Variants in SHANK2 observed in about 807,000 individuals in gnomAD.
The protein encoded by SHANK2 is SH3 and multiple ankyrin repeat domains protein 2.
In SHANK2, 43 loss-of-function variants were observed where a neutral mutation model predicts 133.7. The observed-to-expected ratio is 0.32, with a 90% CI of 0.25 to 0.41. The LOEUF (loss-of-function observed/expected upper bound fraction) is 0.41, where lower values mean the gene tolerates loss of function less well. Ranked by LOEUF, SHANK2 falls within the 10% of genes least tolerant of loss-of-function variation. The pLI, the probability that SHANK2 is intolerant of heterozygous loss-of-function variation, is 1.00. For missense variants in SHANK2, 1,994 were observed against 2,235.8 expected, an observed-to-expected ratio of 0.89 and a Z score of 2.18; for synonymous variants, 1,017 against 952.8, an observed-to-expected ratio of 1.07 and a Z score of -1.24.
At chr11:71,148,764 T>A (rs1162841498) in intron 2 of SHANK2, among the ~76,000 whole-genome samples, 8 of 152,266 alleles carry the variant, frequency 5.3e-5, no homozygotes, top group Admixed American at 5.2e-4. Flanking sequence ...ATGTGGATGA[T>A]CCCTGAAACA....
At chr11:70,777,313 A>G (rs1193471338) in intron 14 of SHANK2, among the ~76,000 whole-genome samples, 1 of 150,176 alleles carries the variant, frequency 6.7e-6, no homozygotes, top group Non-Finnish European at 1.5e-5. Context: ...CCATGCATCT[A>G]TCTATCCATT....
intron 14 of SHANK2, among the ~76,000 whole-genome samples, chr11:70,760,110 T>G (rs888495606): frequency 6.6e-6 from 1 of 152,242 alleles, no homozygotes; most frequent in Non-Finnish European, 1.5e-5. Flanking sequence ...TGCCTTTAAA[T>G]GTGAAGCCTC....
At chr11:70,518,661 G>T (rs2059294884) in intron 17 of SHANK2, among the ~76,000 whole-genome samples, 1 of 152,202 alleles carries the variant, frequency 6.6e-6, no homozygotes, top group South Asian at 2.1e-4. Flanking sequence ...ATTGCATCCA[G>T]GAGCCCTTTG....
At chr11:71,227,617 A>G (rs1954662423) in intron 1 of SHANK2, among the ~76,000 whole-genome samples, 1 of 152,086 alleles carries the variant, frequency 6.6e-6, no homozygotes, top group Non-Finnish European at 1.5e-5. Context: ...TTATAACTGA[A>G]TACAACTTTA....
At chr11:70,628,070 C>T (rs1455215858) in intron 17 of SHANK2, among the ~76,000 whole-genome samples, 3 of 152,206 alleles carry the variant, frequency 2.0e-5, no homozygotes, top group Non-Finnish European at 4.4e-5. Context: ...AGCGATTCTC[C>T]TGCCTCAGCC....
chr11:70,786,202 T>C (rs1405018369), intron 14 of SHANK2, among the ~76,000 whole-genome samples: 1 of 152,224 alleles, frequency 6.6e-6, no homozygotes, highest in Non-Finnish European at 1.5e-5. Context: ...GTCCTTTGCT[T>C]CTGTGCCTTT....
chr11:71,135,489 T>G (rs1189305522), intron 3 of SHANK2, among the ~76,000 whole-genome samples: 12 of 150,034 alleles, frequency 8.0e-5, no homozygotes, highest in African/African-American at 1.7e-4. Flanking sequence ...TATGTTTTTT[T>G]TTTTTTTTTT....
chr11:71,147,160 G>T lies in SHANK2; in HGVS notation c.167C>A (p.Thr56Lys), dbSNP rs782325822. 5 of 1,550,312 alleles carry T rather than the reference G, an allele frequency of 3.2e-6. No individual in the cohort carries two copies. In the South Asian group the frequency reaches 6.0e-5, roughly 18 times the overall value. The stretch of plus-strand genomic sequence containing the variant: ...ATGGATGACCACGCGGATCACCAGC[G>T]TGTTGCCCTGGCTCTCCTCCGTCCT... ...GARTEESQGN[T>K]LVIRVVIHDL... Residue 56 changes from threonine (T) to lysine (K), a missense_variant, in exon 3 of 26, where the codon ACG (threonine) becomes AAG (lysine). Physicochemically the swap from Thr to Lys is moderately conservative, Grantham distance 78 (BLOSUM62 -1). Coordinates refer to ENST00000601538, the MANE Select transcript of SHANK2 (RefSeq NM_012309.5).
intron 2 of SHANK2, among the ~76,000 whole-genome samples, chr11:71,155,659 A>C (rs1952894321): frequency 1.1e-5 from 1 of 91,950 alleles, no homozygotes. Flanking sequence ...CTGTCCCCCA[A>C]ACCCGCCCTG....
At chr11:70,908,660 G>A (rs1039066383) in intron 10 of SHANK2, among the ~76,000 whole-genome samples, 5 of 152,156 alleles carry the variant, frequency 3.3e-5, no homozygotes, top group South Asian at 4.2e-4. Flanking sequence ...GAGCTGCACC[G>A]ACATTGGCAA....
intron 8 of SHANK2, among the ~76,000 whole-genome samples, chr11:71,089,682 C>T (rs895014489): frequency 1.3e-5 from 2 of 151,980 alleles, no homozygotes; most frequent in Admixed American, 6.6e-5. Context: ...GTGGGTCAGG[C>T]GTGAAGAGGC....
chr11:71,195,378 C>T (rs1165174190), intron 2 of SHANK2, among the ~76,000 whole-genome samples: 6 of 150,930 alleles, frequency 4.0e-5, no homozygotes, highest in African/African-American at 9.8e-5. Flanking sequence ...GGTGACAGAG[C>T]GAGACTCCGT....
chr11:70,723,758 T>C (rs1217958674), intron 14 of SHANK2, among the ~76,000 whole-genome samples: 1 of 152,166 alleles, frequency 6.6e-6, no homozygotes, highest in African/African-American at 2.4e-5. Flanking sequence ...AAATACTCTA[T>C]GGGTGAAACT....
At chr11:71,060,609 G>A (rs1286759248) in intron 9 of SHANK2, among the ~76,000 whole-genome samples, 1 of 152,244 alleles carries the variant, frequency 6.6e-6, no homozygotes, top group African/African-American at 2.4e-5. Flanking sequence ...CTCTCACTAT[G>A]AGGACCATGC....
chr11:70,955,533 T>C (rs1267240581), intron 10 of SHANK2, among the ~76,000 whole-genome samples: 1 of 152,240 alleles, frequency 6.6e-6, no homozygotes, highest in Non-Finnish European at 1.5e-5. Context: ...TATATATTTG[T>C]GTATGTGTGT....
chr11:70,742,160 G>A (rs969323960), intron 14 of SHANK2, among the ~76,000 whole-genome samples: 12 of 152,166 alleles, frequency 7.9e-5, no homozygotes, highest in East Asian at 1.9e-4. Context: ...CTGTCCCTGA[G>A]CCCACATCCC....
At chr11:70,719,628 A>T (rs966223072) in intron 14 of SHANK2, among the ~76,000 whole-genome samples, 9 of 152,074 alleles carry the variant, frequency 5.9e-5, no homozygotes, top group Admixed American at 1.3e-4. Context: ...GGTCATAAAA[A>T]TAGCCCTACC....
chr11:70,511,670 CAA>C (rs1379926342), intron 17 of SHANK2, among the ~76,000 whole-genome samples: 2 of 151,968 alleles, frequency 1.3e-5, no homozygotes, highest in African/African-American at 4.8e-5. Flanking sequence ...CAGATAACTC[CAA>C]AAAAAGAGTA....
At chr11:71,070,510 GGA>G (rs1951129065) in intron 9 of SHANK2, among the ~76,000 whole-genome samples, 1 of 152,086 alleles carries the variant, frequency 6.6e-6, no homozygotes, top group Admixed American at 6.6e-5. Flanking sequence ...CCCTGGAATG[GGA>G]GAGCTCTCCA....
Sources: gnomAD v4.1 joint callset for allele counts (sites outside exome capture counted in the v4.1 genomes callset) on GRCh38, gnomAD v4.1.1 for gene constraint, MANE v1.5 for transcripts, NCBI Gene and HGNC (gene_info 2026-07-23, HGNC 2026-07-21) for gene names.